Variants in DCDC1 observed in about 807,000 individuals in gnomAD.
DCDC1 encodes the protein doublecortin domain containing 1, also known as doublecortin domain-containing protein 1.
DCDC1 carries 200 observed loss-of-function variants against 178.3 expected under a neutral mutation model. The observed-to-expected ratio is 1.12, with a 90% CI of 1.00 to 1.26. The LOEUF is 1.26. DCDC1 is among the 50% of genes most tolerant of loss of function. DCDC1 has a pLI of 0.00. For synonymous variants in DCDC1, 690 were observed against 604.8 expected (o/e 1.14, Z -2.07); for missense variants, 1,983 against 1,749.2 (o/e 1.13, Z -2.38).
At chr11:31,269,671 C>T (rs903853369) in intron 7 of DCDC1, among the ~76,000 whole-genome samples, 1 of 152,136 alleles carries the variant, frequency 6.6e-6, no homozygotes, top group Non-Finnish European at 1.5e-5. Context: ...CAGACATGAA[C>T]CACTGCACCT....
intron 3 of DCDC1, among the ~76,000 whole-genome samples, chr11:31,321,487 G>A (rs1158701520): frequency 6.6e-6 from 1 of 152,094 alleles, no homozygotes; most frequent in Non-Finnish European, 1.5e-5. Context: ...CTTCCCAGGT[G>A]AGGCAATGCC....
intron 7 of DCDC1, among the ~76,000 whole-genome samples, chr11:31,268,619 C>T (rs1306358355): frequency 6.6e-6 from 1 of 152,116 alleles, no homozygotes; most frequent in East Asian, 1.9e-4. Flanking sequence ...TTATCCAATC[C>T]ACTGCTGATG....
At chr11:31,177,318 A>G (rs534813267) in intron 9 of DCDC1, among the ~76,000 whole-genome samples, 7 of 152,016 alleles carry the variant, frequency 4.6e-5, no homozygotes, top group African/African-American at 1.4e-4. Context: ...AAGTAGGGGG[A>G]AAAAAAAGCT....
At chr11:30,903,778 A>T in intron 31 of DCDC1, 95 bp from the exon 32 acceptor site, 2 of 1,089,750 alleles carry the variant, frequency 1.8e-6, no homozygotes, top group Non-Finnish European at 2.4e-6. Context: ...TGAAAAAAAA[A>T]ATAATTGAAT....
Position 31,110,416 on chromosome 11 carries a change from T to C in DCDC1, c.1486-55A>G, listed in dbSNP as rs933091707. The C allele has an allele frequency of 9.1e-6, 6 of 662,324 alleles. No individual in the cohort carries two copies. The Admixed American group carries it at 1.3e-4, about 15-fold the overall frequency. The allele number at this position is 662,324 out of a possible 1,614,324, so 41.0% of individuals were successfully genotyped here. A position where few individuals can be genotyped will look rare whatever the true frequency, so the allele number is the denominator to read the frequency against. ...ATAAATACATGCACACATACATACA[T>C]ATATTCATACATACTTAGATAAATT... On this transcript the variant is annotated intron_variant, in intron 11 of 38. Transcript: ENST00000684477.
intron 6 of DCDC1, among the ~76,000 whole-genome samples, chr11:31,299,533 C>T (rs946790184): frequency 3.9e-5 from 6 of 152,002 alleles, no homozygotes; most frequent in Admixed American, 3.9e-4. Context: ...TTGATTTTGA[C>T]CTACACCCTA....
intron 1 of DCDC1, among the ~76,000 whole-genome samples, chr11:31,346,305 C>T (rs1449486499): frequency 6.7e-6 from 1 of 149,646 alleles, no homozygotes; most frequent in East Asian, 2.0e-4. Flanking sequence ...ACTAAAAATA[C>T]AAAAAAAAAT....
At chr11:31,294,702 AAG>A (rs1159698490) in intron 6 of DCDC1, among the ~76,000 whole-genome samples, 1 of 74,582 alleles carries the variant, frequency 1.3e-5, no homozygotes, top group Non-Finnish European at 2.9e-5. Context: ...GAAAGAGAGA[AAG>A]AGAGAGGGAG....
chr11:31,170,039 G>T (rs1011352051), intron 9 of DCDC1, among the ~76,000 whole-genome samples: 1 of 152,128 alleles, frequency 6.6e-6, no homozygotes, highest in Admixed American at 6.5e-5. Flanking sequence ...CTGCATGATG[G>T]GGTCCACAGA....
chr11:31,150,682 A>T (rs1965074534), intron 9 of DCDC1, among the ~76,000 whole-genome samples: 1 of 152,166 alleles, frequency 6.6e-6, no homozygotes, highest in African/African-American at 2.4e-5. Context: ...CCACCAATAT[A>T]TCTAATTTAC....
At chr11:30,899,694 A>T in intron 33 of DCDC1, 52 bp from the exon 34 acceptor site, 1 of 1,250,932 alleles carries the variant, frequency 8.0e-7, no homozygotes, top group Non-Finnish European at 1.1e-6. Context: ...TATCACGCGC[A>T]CCAATAATTT....
intron 15 of DCDC1, among the ~76,000 whole-genome samples, chr11:31,100,625 G>C (rs1051932400): frequency 9.2e-5 from 14 of 152,172 alleles, no homozygotes; most frequent in African/African-American, 3.4e-4. Context: ...ACAAGTATAC[G>C]AAAGTGGAAA....
At chr11:31,109,490 T>C (rs1017241721) in intron 12 of DCDC1, among the ~76,000 whole-genome samples, 9 of 152,122 alleles carry the variant, frequency 5.9e-5, no homozygotes, top group African/African-American at 2.2e-4. Flanking sequence ...CTTTTCTTCC[T>C]CTCTTCCAGG....
intron 30 of DCDC1, 140 bp downstream of exon 30, chr11:30,906,400 A>G: frequency 1.2e-6 from 1 of 804,722 alleles, no homozygotes; most frequent in Non-Finnish European, 1.9e-6. Context: ...AAATCAATGC[A>G]GGTAGAATGG....
At chr11:31,160,098 AT>A (rs926991407) in intron 9 of DCDC1, among the ~76,000 whole-genome samples, 1 of 152,162 alleles carries the variant, frequency 6.6e-6, no homozygotes. Context: ...GCCCTTAGTC[AT>A]TTGAGGCTTT....
At chr11:30,924,546 C>A (rs887080509) in intron 23 of DCDC1, among the ~76,000 whole-genome samples, 1 of 152,044 alleles carries the variant, frequency 6.6e-6, no homozygotes, top group Non-Finnish European at 1.5e-5. Flanking sequence ...CACTTTTCAG[C>A]CTTCTCCAGT....
intron 9 of DCDC1, among the ~76,000 whole-genome samples, chr11:31,152,345 TA>T (rs1565354108): frequency 6.6e-6 from 1 of 152,126 alleles, no homozygotes; most frequent in African/African-American, 2.4e-5. Context: ...GGCTGGGAGA[TA>T]GAGTATAGTT....
chr11:31,131,114 G>A (rs1962372473), intron 10 of DCDC1, among the ~76,000 whole-genome samples: 2 of 32,802 alleles, frequency 6.1e-5, no homozygotes, highest in South Asian at 2.9e-3. Flanking sequence ...CCTGGGAAGC[G>A]GAGCTTGCAG....
chr11:30,879,758 T>C lies in DCDC1; in HGVS notation c.5234-1047A>G, dbSNP rs567092363. On this transcript the variant is annotated intron_variant, in intron 37 of 38. Coordinates refer to ENST00000684477, the MANE Select transcript of DCDC1 (RefSeq NM_001387274.1). ...TCTCTTCCAGTCACAGTTTTTATTG[T>C]TGACAAGCTTGTTTCTGGGAAGGCA... Among the ~76,000 whole-genome samples the C allele has an allele frequency of 1.4e-4, 22 of 152,326 alleles. No individual in the cohort carries two copies. In the South Asian group the frequency reaches 3.9e-3, roughly 27 times the overall value.
Sources: allele counts gnomAD v4.1 joint callset (sites outside exome capture counted in the v4.1 genomes callset), GRCh38; gene constraint gnomAD v4.1.1; transcripts MANE v1.5; gene names NCBI Gene and HGNC (gene_info 2026-07-23, HGNC 2026-07-21).